The following SLC4A4 variants were observed in gnomAD, a reference collection of about 807,000 sequenced individuals.
SLC4A4 encodes solute carrier family 4 member 4.
SLC4A4 carries 27 observed loss-of-function variants against 111.5 expected under a neutral mutation model. The observed-to-expected ratio is 0.24, with a 90% CI of 0.18 to 0.33. The LOEUF (loss-of-function observed/expected upper bound fraction) is 0.33, where lower values mean the gene tolerates loss of function less well. SLC4A4 is among the 10% of genes least tolerant of loss of function. The pLI is 1.00. For missense variants in SLC4A4, 909 were observed against 1,315.5 expected (o/e 0.69, Z 4.78); for synonymous variants, 443 against 463.4 (o/e 0.96, Z 0.57).
At chr4:71,495,009 G>A (rs1730273436) in intron 15 of SLC4A4, among the ~76,000 whole-genome samples, 1 of 152,068 alleles carries the variant, frequency 6.6e-6, no homozygotes, top group Non-Finnish European at 1.5e-5. Context: ...ATTCTGAAAT[G>A]CCAAATATGC....
intron 2 of SLC4A4, among the ~76,000 whole-genome samples, chr4:71,122,674 G>T (rs770425648): frequency 2.6e-5 from 4 of 152,156 alleles, no homozygotes; most frequent in African/African-American, 4.8e-5. Context: ...GTGGCAGATA[G>T]GAGGTTTTTA....
At chr4:71,159,712 G>A (rs536658438) in intron 2 of SLC4A4, among the ~76,000 whole-genome samples, 3 of 152,120 alleles carry the variant, frequency 2.0e-5, no homozygotes, top group South Asian at 2.1e-4. Context: ...TGGAGTTGCT[G>A]GGCCAAAAGT....
intron 7 of SLC4A4, among the ~76,000 whole-genome samples, chr4:71,416,914 G>A (rs1721875638): frequency 6.6e-6 from 1 of 152,128 alleles, no homozygotes; most frequent in Non-Finnish European, 1.5e-5. Context: ...AGCCACTTCA[G>A]CAGGGAATTT....
intron 16 of SLC4A4, among the ~76,000 whole-genome samples, chr4:71,522,342 A>G (rs572800801): frequency 1.3e-5 from 2 of 152,338 alleles, no homozygotes; most frequent in African/African-American, 4.8e-5. Context: ...GTTCTTCCAG[A>G]GTCCTACACC....
At chr4:71,268,334 T>A (rs559145477) in intron 3 of SLC4A4, among the ~76,000 whole-genome samples, 2 of 152,306 alleles carry the variant, frequency 1.3e-5, no homozygotes, top group African/African-American at 4.8e-5. Context: ...CTTTTCTTTC[T>A]GTGACTCACG....
intron 1 of SLC4A4, among the ~76,000 whole-genome samples, chr4:71,187,860 G>C (rs1443986651): frequency 6.6e-6 from 1 of 152,128 alleles, no homozygotes; most frequent in African/African-American, 2.4e-5. Flanking sequence ...TGGTGCTACC[G>C]AGGCCGCGGC....
At position 71,567,821 on chromosome 4, in the gene SLC4A4, A is replaced by G. The variant is rs1017484024; in HGVS notation, c.*70A>G. 11 of 1,549,784 alleles carry G rather than the reference A, an allele frequency of 7.1e-6. No individual in the cohort carries two copies. Among genetic ancestry groups the G allele is most frequent in the East Asian group, 2.4e-5 (1 of 41,988 alleles). On this transcript the variant is annotated 3_prime_UTR_variant, in exon 26 of 26. Coordinates refer to ENST00000264485, the MANE Select transcript of SLC4A4 (RefSeq NM_001098484.3). ...GAACTCCAGTAAAAGTTGTGCCTCA[A>G]ATTAGAATAGAACTTGAACCTGAAG...
intron 3 of SLC4A4, among the ~76,000 whole-genome samples, chr4:71,310,883 C>A (rs972304006): frequency 6.6e-6 from 1 of 152,140 alleles, no homozygotes; most frequent in Non-Finnish European, 1.5e-5. Flanking sequence ...CACAGACTGC[C>A]AAATTGGATA....
chr4:71,296,983 A>G (rs900432790), intron 3 of SLC4A4, among the ~76,000 whole-genome samples: 1 of 152,230 alleles, frequency 6.6e-6, no homozygotes, highest in Non-Finnish European at 1.5e-5. Context: ...AAGTTCTTAC[A>G]ATGTATAGGT....
chr4:71,131,207 A>G (rs926580148), intron 2 of SLC4A4, among the ~76,000 whole-genome samples: 2 of 152,158 alleles, frequency 1.3e-5, no homozygotes, highest in African/African-American at 4.8e-5. Flanking sequence ...AGAAAGAAAA[A>G]TTGACAGAAA....
intron 16 of SLC4A4, among the ~76,000 whole-genome samples, chr4:71,510,245 C>T (rs1487094692): frequency 1.3e-5 from 2 of 152,294 alleles, no homozygotes; most frequent in East Asian, 1.9e-4. Context: ...GATAGTGTGA[C>T]GAAGCAGAAG....
intron 3 of SLC4A4, among the ~76,000 whole-genome samples, chr4:71,317,743 A>C (rs982160887): frequency 1.3e-5 from 2 of 152,184 alleles, no homozygotes; most frequent in African/African-American, 4.8e-5. Flanking sequence ...TATAGCAGGA[A>C]GAGTACGGAC....
chr4:71,099,849 C>A (rs755658943), intron 2 of SLC4A4, among the ~76,000 whole-genome samples: 1 of 152,094 alleles, frequency 6.6e-6, no homozygotes, highest in Non-Finnish European at 1.5e-5. Context: ...ACTAGAAAAC[C>A]TAGAAGAGAT....
At chr4:71,484,873 TCCTG>T (rs1729228002) in intron 14 of SLC4A4, among the ~76,000 whole-genome samples, 1 of 151,776 alleles carries the variant, frequency 6.6e-6, no homozygotes, top group Non-Finnish European at 1.5e-5. Flanking sequence ...TCTTTCACCT[TCCTG>T]GTTAGCTGTA....
At chr4:71,294,152 C>G (rs1724595399) in intron 3 of SLC4A4, among the ~76,000 whole-genome samples, 1 of 152,062 alleles carries the variant, frequency 6.6e-6, no homozygotes, top group East Asian at 1.9e-4. Context: ...GGGGGAAATT[C>G]CAAAAATAAA....
At chr4:71,351,872 A>G (rs866889585) in intron 5 of SLC4A4, among the ~76,000 whole-genome samples, 3 of 152,360 alleles carry the variant, frequency 2.0e-5, no homozygotes, top group Middle Eastern at 3.4e-3. Context: ...GAGACAAGGT[A>G]CATGTCAACA....
intron 16 of SLC4A4, among the ~76,000 whole-genome samples, chr4:71,502,126 A>C (rs1730997042): frequency 6.6e-6 from 1 of 151,848 alleles, no homozygotes; most frequent in South Asian, 2.1e-4. Flanking sequence ...CGCGCCCACT[A>C]ATTTTTGTAT....
intron 7 of SLC4A4, among the ~76,000 whole-genome samples, chr4:71,433,026 C>G (rs1723783424): frequency 6.6e-6 from 1 of 152,078 alleles, no homozygotes; most frequent in African/African-American, 2.4e-5. Flanking sequence ...CTCCATTCTT[C>G]TATAATTGTT....
intron 9 of SLC4A4, among the ~76,000 whole-genome samples, chr4:71,448,774 G>C (rs991224218): frequency 1.3e-5 from 2 of 152,076 alleles, no homozygotes; most frequent in African/African-American, 4.8e-5. Context: ...TTGCTTCATT[G>C]CTTGATTTGT....
Sources: allele counts gnomAD v4.1 joint callset (sites outside exome capture counted in the v4.1 genomes callset), GRCh38; gene constraint gnomAD v4.1.1; transcripts MANE v1.5; gene names NCBI Gene and HGNC (gene_info 2026-07-23, HGNC 2026-07-21).